The following NME8 variants were observed in gnomAD, a reference collection of about 807,000 sequenced individuals.
NME8 encodes the protein protein NME8.
NME8 carries 72 observed loss-of-function variants against 82.3 expected under a neutral mutation model. The observed-to-expected ratio is 0.87, with a 90% CI of 0.72 to 1.06. The LOEUF (loss-of-function observed/expected upper bound fraction) is 1.06. NME8 is among the 50% of genes least tolerant of loss of function. The pLI is 0.00. For missense variants in NME8, 712 were observed against 685.4 expected (o/e 1.04, Z -0.43); for synonymous variants, 267 against 228.5 (o/e 1.17, Z -1.52).
chr7:37,867,540 A>T (rs1466208563), intron 10 of NME8, among the ~76,000 whole-genome samples, 162 bp from the exon 11 acceptor site: 1 of 152,200 alleles, frequency 6.6e-6, no homozygotes, highest in African/African-American at 2.4e-5. Context: ...AAAAACCCCC[A>T]AACAATAAAA....
intron 17 of NME8, among the ~76,000 whole-genome samples, chr7:37,899,005 T>G (rs1205453368): frequency 1.3e-5 from 2 of 152,156 alleles, no homozygotes; most frequent in African/African-American, 4.8e-5. Flanking sequence ...GATACAAAAT[T>G]AAGTTAGTGT....
chr7:37,877,133 T>C (rs1784867942), intron 12 of NME8, 126 bp downstream of exon 12: 3 of 744,566 alleles, frequency 4.0e-6, no homozygotes, highest in Non-Finnish European at 6.8e-6. Context: ...CTTAAGAAAT[T>C]AATGTATTAA....
intron 12 of NME8, among the ~76,000 whole-genome samples, chr7:37,878,230 C>T (rs1784887004): frequency 6.6e-6 from 1 of 151,778 alleles, no homozygotes; most frequent in Non-Finnish European, 1.5e-5. Flanking sequence ...ATGTTTTTTC[C>T]TTCATTTTGA....
At chr7:37,854,193 C>T (rs927909987) in intron 5 of NME8, among the ~76,000 whole-genome samples, 1 of 151,844 alleles carries the variant, frequency 6.6e-6, no homozygotes, top group Admixed American at 6.6e-5. Flanking sequence ...GTATTATATA[C>T]TATATTCTTG....
intron 12 of NME8, among the ~76,000 whole-genome samples, chr7:37,880,812 G>A (rs572745138): frequency 6.4e-4 from 97 of 150,924 alleles, no homozygotes; most frequent in East Asian, 5.3e-3. Context: ...ATTTTTTTTC[G>A]CCAGAGTTTT....
rs149309247 is a variant in NME8 at position 37,878,459 on chromosome 7, C to A, written c.994+1452C>A. 9.0e-3 allele frequency among the ~76,000 whole-genome samples: 1,369 copies of A among 152,120 alleles called. 15 individuals are homozygous for A. Among genetic ancestry groups the A allele is most frequent in the Non-Finnish European group, 0.014 (972 of 67,992 alleles). ...TTTTGGTGTCAGAGTAATGCAGGTT[C>A]ATAAAGTGAGATGAGAAGCAGTCAC... is the stretch of plus-strand genomic sequence containing the variant. On this transcript the variant is annotated intron_variant, in intron 12 of 17. Transcript: ENST00000199447.
intron 17 of NME8, among the ~76,000 whole-genome samples, chr7:37,898,133 A>T (rs1224492246): frequency 3.9e-5 from 6 of 152,142 alleles, no homozygotes; most frequent in Admixed American, 3.9e-4. Context: ...TAAAAGTGTT[A>T]CTATTTCTCC....
intron 15 of NME8, among the ~76,000 whole-genome samples, chr7:37,891,186 G>A (rs1785124034): frequency 1.3e-5 from 2 of 151,772 alleles, no homozygotes; most frequent in Admixed American, 1.3e-4. Flanking sequence ...TTAACCTTTT[G>A]TCAGATGCAT....
At chr7:37,876,741 A>T in intron 11 of NME8, 91 bp from the exon 12 acceptor site, 1 of 907,386 alleles carries the variant, frequency 1.1e-6, no homozygotes, top group Non-Finnish European at 1.7e-6. Flanking sequence ...TTAAACTTCT[A>T]GTAATTTCTG....
chr7:37,858,771 A>G (rs1285820216), intron 6 of NME8, among the ~76,000 whole-genome samples: 2 of 152,180 alleles, frequency 1.3e-5, no homozygotes, highest in Middle Eastern at 3.4e-3. Flanking sequence ...TAGTTTGGAT[A>G]TTTGTTTCCT....
intron 17 of NME8, 82 bp downstream of exon 17, chr7:37,897,189 A>G: frequency 1.1e-6 from 1 of 880,590 alleles, no homozygotes; most frequent in Middle Eastern, 2.9e-4. Flanking sequence ...CTAAAAAGAG[A>G]AGAACTTTTC....
rs779582375 is a variant in NME8 at position 37,867,724 on chromosome 7, C to T, written c.644C>T (p.Ser215Phe). ...ADQCDFEEFVSFMTSGLSYIL... is the reference protein window; with the variant it reads ...ADQCDFEEFVFFMTSGLSYIL... The stretch of plus-strand genomic sequence containing the variant: ...TAGTGTGACTTCGAAGAGTTTGTCT[C>T]TTTTATGACAAGTGGCTTAAGCTAT... Residue 215 changes from serine (S) to phenylalanine (F), a missense_variant, in exon 11 of 18, where the codon TCT becomes TTT. Coordinates refer to ENST00000199447, the MANE Select transcript of NME8 (RefSeq NM_016616.5). The T allele has an allele frequency of 6.2e-7, 1 of 1,613,320 alleles. No individual in the cohort carries two copies. The highest frequency in any genetic ancestry group is 8.5e-7 in the Non-Finnish European group (1 of 1,179,378).
In NME8 at chr7:37,896,918, A is replaced by G. The variant is rs1378172849; in HGVS notation, c.1593A>G (p.Glu531=). ...MILTKWNAVA[E]WRRLMGPTDP... ...TGACCAAGTGGAATGCTGTTGCAGA[A>G]TGGAGACGATTGATGGGCCCAACAG... Residue 531 remains glutamate, a synonymous_variant, in exon 17 of 18, where the codon GAA becomes GAG. Coordinates refer to ENST00000199447, the MANE Select transcript of NME8 (RefSeq NM_016616.5). 2 of 1,613,888 alleles carry G rather than the reference A, an allele frequency of 1.2e-6. No homozygotes were observed. Among genetic ancestry groups the G allele is most frequent in the Non-Finnish European group, 1.7e-6 (2 of 1,179,852 alleles).
chr7:37,880,430 T>C (rs1471119175), intron 12 of NME8, among the ~76,000 whole-genome samples: 1 of 152,206 alleles, frequency 6.6e-6, no homozygotes, highest in Non-Finnish European at 1.5e-5. Flanking sequence ...TTCTAATTAT[T>C]TCAGCACCAT....
intron 12 of NME8, among the ~76,000 whole-genome samples, chr7:37,882,602 AGAGAGAGAG>A (rs1562838264): frequency 0.015 from 1,339 of 91,710 alleles, 12 homozygotes; most frequent in African/African-American, 0.016. Flanking sequence ...AAAGAAAGAG[AGAGAGAGAG>A]AGAGAAAGAA....
At chr7:37,895,907 G>A (rs1785220958) in intron 16 of NME8, among the ~76,000 whole-genome samples, 1 of 152,166 alleles carries the variant, frequency 6.6e-6, no homozygotes, top group Non-Finnish European at 1.5e-5. Context: ...AGGTGTGTAA[G>A]AGGCTATTCT....
intron 16 of NME8, among the ~76,000 whole-genome samples, chr7:37,895,937 T>C (rs1785221416): frequency 6.6e-6 from 1 of 152,184 alleles, no homozygotes; most frequent in South Asian, 2.1e-4. Flanking sequence ...TCTGTAAGTA[T>C]ATTCTAGGAT....
At chr7:37,884,975 A>G (rs913015810) in intron 13 of NME8, among the ~76,000 whole-genome samples, 170 bp from the exon 14 acceptor site, 5 of 152,228 alleles carry the variant, frequency 3.3e-5, no homozygotes, top group African/African-American at 1.2e-4. Flanking sequence ...TTTTATAGAT[A>G]TGCTCTTGAA....
At chr7:37,882,579 GAAAGAA>G in intron 12 of NME8, among the ~76,000 whole-genome samples, 1 of 47,320 alleles carries the variant, frequency 2.1e-5, no homozygotes, top group Non-Finnish European at 4.3e-5. Context: ...AAGAAAGAAA[GAAAGAA>G]AGAAAGAAAG....
Sources: allele counts gnomAD v4.1 joint callset (sites outside exome capture counted in the v4.1 genomes callset), GRCh38; gene constraint gnomAD v4.1.1; transcripts MANE v1.5; gene names NCBI Gene and HGNC (gene_info 2026-07-23, HGNC 2026-07-21).